CCND3: variants seen among roughly 807,000 people sequenced by gnomAD.
The protein encoded by CCND3 is G1/S-specific cyclin-D3.
A neutral mutation model predicts 28.7 loss-of-function variants in CCND3; 9 were observed. The observed-to-expected ratio is 0.31, with a 90% confidence interval of 0.19 to 0.55. The LOEUF is 0.55. CCND3 is among the 20% of genes least tolerant of loss of function. The pLI is 0.93. For missense variants in CCND3, 315 were observed against 385.8 expected (o/e 0.82, Z 1.54); for synonymous variants, 164 against 163.9 (o/e 1.00, Z 0.00).
In CCND3 at chr6:41,996,242, C is replaced by T. The variant is rs372390198; in HGVS notation, c.-46+52259G>A. 2.4e-4 allele frequency among the ~76,000 whole-genome samples: 37 copies of T among 151,278 alleles called. No homozygotes were observed. In the East Asian group the frequency reaches 5.8e-3, roughly 24 times the overall value. On this transcript the variant is annotated intron_variant, in intron 1 of 4. Coordinates refer to the CCND3 transcript ENST00000372988. ...TCGGCTCACTGCAACCTCCGCCTCC[C>T]GGGTTCAAGTGATTCTCCAGCCTCA...
In CCND3 at chr6:42,048,441, A is replaced by G. The variant is rs1344980651; in HGVS notation, c.-46+60T>C. 4.6e-6 allele frequency: 2 copies of G among 432,268 alleles called. No individual in the cohort carries two copies. Among genetic ancestry groups the G allele is most frequent in the Non-Finnish European group, 9.3e-6 (2 of 216,180 alleles). 26.8% of individuals were successfully genotyped at this position (432,268 alleles called of 1,614,324 possible). A position where few individuals can be genotyped will look rare whatever the true frequency, so the allele number is the denominator to read the frequency against. ...CCCACCCAGCACCGATCCCCAACGC[A>G]TGGTCTCCAGCCTGAGCTGACATCC... On this transcript the variant is annotated intron_variant, in intron 1 of 4. Coordinates refer to the CCND3 transcript ENST00000372988. This position sits in a 1 kb window ranked among gnomAD's most constrained non-coding sequence, Gnocchi z 4.7.
intron 1 of CCND3, among the ~76,000 whole-genome samples, chr6:41,959,446 AG>A (rs1761642139): frequency 6.7e-6 from 1 of 150,154 alleles, no homozygotes; most frequent in Non-Finnish European, 1.5e-5. Context: ...GCACTTTGGG[AG>A]GCCAAGGTGG....
intron 1 of CCND3, among the ~76,000 whole-genome samples, chr6:42,035,288 A>G (rs1272188743): frequency 6.6e-6 from 1 of 152,096 alleles, no homozygotes; most frequent in African/African-American, 2.4e-5. Context: ...ACTAATTTCC[A>G]TTGCTTCTAC....
chr6:41,935,628 G>C lies in CCND3; in HGVS notation c.*312C>G. 2.2e-6 allele frequency: 1 copy of C among 458,122 alleles called. No individual in the cohort carries two copies. Among genetic ancestry groups the C allele is most frequent in the East Asian group, 3.1e-5 (1 of 31,988 alleles). 28.4% of individuals were successfully genotyped at this position (458,122 alleles called of 1,614,324 possible). ...AGAGCCCCCAGGGGTGGGGGGGGGCGTTCAAAAGGAATGCTGGTGTATGTA... is the reference window on the plus strand; with the variant it reads ...AGAGCCCCCAGGGGTGGGGGGGGGCCTTCAAAAGGAATGCTGGTGTATGTA... On this transcript the variant is annotated 3_prime_UTR_variant, in exon 5 of 5. Transcript: ENST00000372991.
rs538322880 is a variant in CCND3, at chr6:42,007,958, G to C, written c.-46+40543C>G. On this transcript the variant is annotated intron_variant, in intron 1 of 4. Transcript: ENST00000372988. ...AATGAGCCGGCAGAGCAGCTGGCGG[G>C]GTGTGAAGGCTGGGGACAGCAGCTG... Among the ~76,000 whole-genome samples the C allele has an allele frequency of 7.9e-4, 120 of 152,232 alleles. 1 individual carries two copies. The East Asian group carries it at 8.9e-3, about 11-fold the overall frequency.
intron 1 of CCND3, among the ~76,000 whole-genome samples, chr6:42,001,565 A>T (rs576858521): frequency 6.6e-6 from 1 of 152,234 alleles, no homozygotes; most frequent in East Asian, 1.9e-4. Flanking sequence ...TCTGGTGATA[A>T]AAAAGAGACT....
At chr6:41,993,407 CTTCT>C (rs1762709865) in intron 1 of CCND3, among the ~76,000 whole-genome samples, 1 of 100,752 alleles carries the variant, frequency 9.9e-6, no homozygotes, top group East Asian at 3.2e-4. Context: ...AAGCTCATGT[CTTCT>C]TTTTTTTTTT....
At chr6:42,007,625 T>C (rs1251833618) in intron 1 of CCND3, among the ~76,000 whole-genome samples, 1 of 152,180 alleles carries the variant, frequency 6.6e-6, no homozygotes, top group Admixed American at 6.5e-5. Context: ...TGATGCTGTG[T>C]CCATACATAG....
chr6:41,960,335 T>G (rs550120825), intron 1 of CCND3, among the ~76,000 whole-genome samples: 161 of 152,234 alleles, frequency 1.1e-3, no homozygotes, highest in Non-Finnish European at 1.6e-3. Flanking sequence ...CATAGCTCTG[T>G]AAGCATGCTA....
intron 1 of CCND3, among the ~76,000 whole-genome samples, chr6:42,022,574 G>A (rs918412957): frequency 6.6e-6 from 1 of 152,236 alleles, no homozygotes; most frequent in Non-Finnish European, 1.5e-5. Flanking sequence ...TACTTCCTTT[G>A]AGGGGTAAAT....
chr6:41,988,906 A>G lies in CCND3; in HGVS notation c.-45-48321T>C, dbSNP rs966276652. Among the ~76,000 whole-genome samples the G allele has an allele frequency of 1.8e-4, 27 of 149,594 alleles. 1 individual carries two copies. The highest frequency in any genetic ancestry group is 2.6e-4 in the Non-Finnish European group (17 of 66,520). On this transcript the variant is annotated intron_variant, in intron 1 of 4. Coordinates refer to the CCND3 transcript ENST00000372988. ...AGCAGAGACGGGGTTTCACTGTGTT[A>G]GCCAGGATGGTCTCGATCTCCTGAC...
intron 1 of CCND3, among the ~76,000 whole-genome samples, chr6:41,979,491 G>A (rs1462624580): frequency 1.4e-5 from 2 of 144,782 alleles, no homozygotes; most frequent in Non-Finnish European, 3.0e-5. Flanking sequence ...CTGAGATTGT[G>A]CCACTGCACT....
intron 1 of CCND3, among the ~76,000 whole-genome samples, chr6:42,034,798 T>C (rs972576547): frequency 4.6e-5 from 7 of 151,990 alleles, no homozygotes; most frequent in Non-Finnish European, 8.8e-5. Context: ...CTTAAACAAA[T>C]TTTTTTTCTA....
chr6:42,036,499 T>G (rs1764225496), intron 1 of CCND3, among the ~76,000 whole-genome samples: 2 of 132,596 alleles, frequency 1.5e-5, no homozygotes, highest in Non-Finnish European at 1.5e-5. Context: ...AGCCTCCACC[T>G]CCCAGGTTCA....
chr6:41,984,995 G>T (rs114379724), intron 1 of CCND3, among the ~76,000 whole-genome samples: 188 of 152,004 alleles, frequency 1.2e-3, no homozygotes, highest in African/African-American at 4.4e-3. Context: ...TTTTAATCAG[G>T]TTATTTGTTT....
intron 1 of CCND3, among the ~76,000 whole-genome samples, chr6:41,960,851 A>C (rs1761699038): frequency 1.3e-5 from 2 of 152,164 alleles, no homozygotes; most frequent in Admixed American, 1.3e-4. Flanking sequence ...CAAGATCACC[A>C]CTGCCACCCA....
intron 1 of CCND3, among the ~76,000 whole-genome samples, chr6:41,955,241 C>T (rs966269293): frequency 7.3e-5 from 11 of 151,652 alleles, no homozygotes; most frequent in Admixed American, 6.6e-5. Flanking sequence ...TTCCAAAACC[C>T]AACAAGAACA....
upstream of CCND3, chr6:41,941,855 A>G (rs970317531): frequency 1.6e-5 from 4 of 255,380 alleles, no homozygotes; most frequent in South Asian, 3.5e-4. This position sits in a 1 kb window ranked among gnomAD's most constrained non-coding sequence, Gnocchi z 6.1. Context: ...GAATGCTCGG[A>G]CGTCGCAACG....
chr6:41,936,864 AAG>A lies in CCND3; in HGVS notation c.575-171_575-170del. 1.5e-6 allele frequency: 1 copy of A among 662,604 alleles called. No homozygotes were observed. The highest frequency in any genetic ancestry group is 2.6e-6 in the Non-Finnish European group (1 of 391,054). The allele number at this position is 662,604 out of a possible 1,614,324, so 41.0% of individuals were successfully genotyped here. A position where few individuals can be genotyped will look rare whatever the true frequency, so the allele number is the denominator to read the frequency against. On this transcript the variant is annotated intron_variant, in intron 3 of 4. Transcript: ENST00000372991. This position sits in a 1 kb window ranked among gnomAD's most constrained non-coding sequence, Gnocchi z 4.4. ...ATATCAGCAAGGGAGGAAGACAGGA[AAG>A]AGTATCTTTCCTAGAGATCAGAACC...
Sources: gnomAD v4.1 joint callset for allele counts (sites outside exome capture counted in the v4.1 genomes callset) on GRCh38, gnomAD v4.1.1 for gene constraint, Gnocchi (gnomAD v3.1) non-coding constraint, MANE v1.5 for transcripts, NCBI Gene and HGNC (gene_info 2026-07-23, HGNC 2026-07-21) for gene names.